The following MINK1 variants were observed in gnomAD, a reference collection of about 807,000 sequenced individuals.
MINK1 encodes misshapen like kinase 1.
Under a neutral mutation model 178.4 loss-of-function variants are expected in MINK1, and 46 were observed. The ratio of observed to expected loss-of-function variants is 0.26; its 90% CI spans 0.20 to 0.33. The LOEUF is 0.33. MINK1 is among the 10% of genes least tolerant of loss of function. The probability of loss-of-function intolerance (pLI) is 1.00; values close to 1 mark genes in which losing one functional copy is unlikely to be tolerated. For missense variants in MINK1, 1,366 were observed against 1,814.9 expected (o/e 0.75, Z 4.49); for synonymous variants, 797 against 709.7 (o/e 1.12, Z -1.96).
At position 4,886,614 on chromosome 17, in the gene MINK1, C is replaced by G; in HGVS notation, c.937C>G (p.Arg313Gly). ...CCACATTGACCGATCCCGGAAGAAG[C>G]GGGGTGAGAAAGGTCAGTGGGCAGG... ...KDHIDRSRKK[R>G]GEKEETEYEY... Residue 313 changes from arginine to glycine, a missense_variant, in exon 10 of 32, where the codon CGG becomes GGG. Around this residue, in one of 14 missense-constraint regions of MINK1, gnomAD observed 23 missense variants for 30.2 expected, o/e 0.76. Coordinates refer to ENST00000355280, the MANE Select transcript of MINK1 (RefSeq NM_153827.5). This position sits in a 1 kb window ranked among gnomAD's most constrained non-coding sequence, Gnocchi z 6.1. The G allele has an allele frequency of 6.3e-7, 1 of 1,594,876 alleles. No individual in the cohort carries two copies. The highest frequency in any genetic ancestry group is 8.5e-7 in the Non-Finnish European group (1 of 1,169,600).
At chr17:4,889,823 C>G (rs1478098476) in intron 13 of MINK1, 60 bp downstream of exon 13, 2 of 1,298,230 alleles carry the variant, frequency 1.5e-6, no homozygotes, top group African/African-American at 3.0e-5. Context: ...GCCTGCCGCC[C>G]CTGCTCCCCG....
chr17:4,896,190 C>T lies in MINK1; in HGVS notation c.3466-3C>T, dbSNP rs1315160932. On this transcript the variant is annotated splice_region_variant and splice_polypyrimidine_tract_variant and intron_variant, in intron 28 of 31. Transcript: ENST00000355280. This position sits in a 1 kb window ranked among gnomAD's most constrained non-coding sequence, Gnocchi z 4.6. ...AGCCCTCCTCTCCTCCGGTTCTCTG[C>T]AGTCCTTTGCCGACCTCCCCCACCG... 6 of 1,597,892 alleles carry T rather than the reference C, an allele frequency of 3.8e-6. No individual in the cohort carries two copies. The highest frequency in any genetic ancestry group is 5.1e-6 in the Non-Finnish European group (6 of 1,171,514).
chr17:4,847,063 C>A, intron 1 of MINK1: 1 of 429,074 alleles, frequency 2.3e-6, no homozygotes, highest in South Asian at 1.7e-5. Context: ...ATCTCCTGTC[C>A]TGGCCTCATA....
Position 4,896,696 on chromosome 17 carries a change from A to G in MINK1, c.3798A>G (p.Ile1266Met). ...TSVAYICSNQ[I>M]MGWGEKAIEI... ...CAGCCTACATCTGCTCCAACCAGAT[A>G]ATGGGCTGGGGTGAGAAAGCCATTG... The change falls in exon 31 of 32, where the codon ATA becomes ATG. Residue 1266 changes from isoleucine (I) to methionine (M), a missense_variant. Ile to Met is a conservative substitution (Grantham distance 10, BLOSUM62 1). Coordinates refer to ENST00000355280, the MANE Select transcript of MINK1 (RefSeq NM_153827.5). This position sits in a 1 kb window ranked among gnomAD's most constrained non-coding sequence, Gnocchi z 4.6. 6.2e-7 allele frequency: 1 copy of G among 1,601,690 alleles called. No individual in the cohort carries two copies. The highest frequency in any genetic ancestry group is 8.5e-7 in the Non-Finnish European group (1 of 1,172,740).
At position 4,896,462 on chromosome 17, in the gene MINK1, T is replaced by A. The variant is rs1215387607; in HGVS notation, c.3649T>A (p.Phe1217Ile). 5 of 1,613,792 alleles carry A rather than the reference T, an allele frequency of 3.1e-6. No individual in the cohort carries two copies. The highest frequency in any genetic ancestry group is 1.7e-5 in the Admixed American group (1 of 59,982). ...CCAGATCACGCCCCATGCCATCATC[T>A]TCCTCCCCAACACCGACGGCATGGA... The part of the protein sequence containing the change: ...QSQITPHAII[F>I]LPNTDGMEML... The change falls in exon 30 of 32, where the codon TTC (phenylalanine) becomes ATC (isoleucine). Residue 1217 changes from phenylalanine (F) to isoleucine (I), a missense_variant. Coordinates refer to ENST00000355280, the MANE Select transcript of MINK1 (RefSeq NM_153827.5). This position sits in a 1 kb window ranked among gnomAD's most constrained non-coding sequence, Gnocchi z 4.6.
At chr17:4,868,498 G>A (rs1915374556) in intron 1 of MINK1, among the ~76,000 whole-genome samples, 1 of 152,150 alleles carries the variant, frequency 6.6e-6, no homozygotes, top group South Asian at 2.1e-4. Context: ...ATATATGAGA[G>A]AGTCCATGTA....
Position 4,891,117 on chromosome 17 carries a change from C to T in MINK1, c.1733C>T (p.Pro578Leu), listed in dbSNP as rs923512603. Residue 578 changes from proline to leucine, a missense_variant, in exon 15 of 32, where the codon CCG becomes CTG. Coordinates refer to ENST00000355280, the MANE Select transcript of MINK1 (RefSeq NM_153827.5). The stretch of plus-strand genomic sequence containing the variant: ...AGGCCGGTGGAGCCCCAGGAGGGAC[C>T]GCACAAGGTGAGTCTCTCCCCACCC... ...MQRPVEPQEG[P>L]HKSLVAHRVP... 1.4e-5 allele frequency: 21 copies of T among 1,530,022 alleles called. No individual in the cohort carries two copies. Among genetic ancestry groups the T allele is most frequent in the African/African-American group, 4.2e-5 (3 of 72,122 alleles). The allele number at this position is 1,530,022 out of a possible 1,614,324, so 94.8% of individuals were successfully genotyped here.
intron 1 of MINK1, chr17:4,860,768 G>A (rs866522309): frequency 3.8e-6 from 2 of 520,112 alleles, no homozygotes; most frequent in Middle Eastern, 3.2e-4. Flanking sequence ...AGCAGAGACC[G>A]TGGTGCAGGT....
At chr17:4,847,541 ATT>A (rs1911232101) in intron 1 of MINK1, among the ~76,000 whole-genome samples, 2 of 152,202 alleles carry the variant, frequency 1.3e-5, no homozygotes, top group African/African-American at 4.8e-5. Flanking sequence ...CTTCCTAAAA[ATT>A]TTTGAGTGCC....
At chr17:4,865,473 G>A (rs1213275462) in intron 1 of MINK1, among the ~76,000 whole-genome samples, 1 of 151,910 alleles carries the variant, frequency 6.6e-6, no homozygotes, top group Non-Finnish European at 1.5e-5. Flanking sequence ...CCAGACACTG[G>A]ACTAGAGGGG....
chr17:4,880,952 T>A, intron 2 of MINK1, 32 bp from the exon 3 acceptor site: 1 of 1,458,624 alleles, frequency 6.9e-7, no homozygotes, highest in Non-Finnish European at 9.0e-7. Flanking sequence ...CTCCACCCTC[T>A]GAGCATAGAC....
intron 1 of MINK1, among the ~76,000 whole-genome samples, chr17:4,866,792 G>A (rs1234466751): frequency 2.0e-5 from 3 of 150,904 alleles, no homozygotes; most frequent in South Asian, 4.2e-4. Context: ...CAAAAAACTC[G>A]ATCGGGCGCG....
In MINK1 at chr17:4,896,551, T is replaced by G. The variant is rs372981603; in HGVS notation, c.3738T>G (p.Asp1246Glu). Residue 1246 changes from aspartate (D) to glutamate (E), a missense_variant, in exon 30 of 32, where the codon GAT becomes GAG. Asp to Glu is a conservative substitution (Grantham distance 45, BLOSUM62 2). Coordinates refer to ENST00000355280, the MANE Select transcript of MINK1 (RefSeq NM_153827.5). The surrounding 1 kb of genome is among the most constrained non-coding windows in gnomAD (Gnocchi z 4.6). ...YVNTYGRIIK[D>E]VVLQWGEMPT... ...ACACGTACGGGCGCATCATTAAGGATGTGGTGCTGCAGTGGGGGGAGATGC... is the reference window on the plus strand; with the variant it reads ...ACACGTACGGGCGCATCATTAAGGAGGTGGTGCTGCAGTGGGGGGAGATGC... 6.2e-7 allele frequency: 1 copy of G among 1,613,790 alleles called. No individual in the cohort carries two copies. Among genetic ancestry groups the G allele is most frequent in the Non-Finnish European group, 8.5e-7 (1 of 1,179,872 alleles).
In MINK1 at chr17:4,891,572, C is replaced by G; in HGVS notation, c.1857C>G (p.Pro619=). The stretch of plus-strand genomic sequence containing the variant: ...CTGCCTTCCCAGCCTCCCATGACCC[C>G]GACCCTGCCATCCCCGCACCCACTG... The part of the protein sequence containing the change: ...NLAAFPASHD[P]DPAIPAPTAT... The change falls in exon 16 of 32, where the codon CCC becomes CCG. Residue 619 remains proline, a synonymous_variant. Coordinates refer to ENST00000355280, the MANE Select transcript of MINK1 (RefSeq NM_153827.5). 6.2e-7 allele frequency: 1 copy of G among 1,606,778 alleles called. No individual in the cohort carries two copies. Among genetic ancestry groups the G allele is most frequent in the African/African-American group, 1.3e-5 (1 of 74,854 alleles).
intron 1 of MINK1, among the ~76,000 whole-genome samples, chr17:4,858,899 G>A (rs992447132): frequency 6.6e-6 from 1 of 152,152 alleles, no homozygotes; most frequent in African/African-American, 2.4e-5. Flanking sequence ...GTCTCTCCCA[G>A]ACTAGAGAGG....
At chr17:4,888,772 C>T (rs112998973) in intron 12 of MINK1, among the ~76,000 whole-genome samples, 2,352 of 147,948 alleles carry the variant, frequency 0.016, 75 homozygotes, top group African/African-American at 0.055. Context: ...CTAGGCTCAC[C>T]GCAAAACCTC....
rs960741570 is a variant in MINK1 at position 4,897,316 on chromosome 17, C to T, written c.*29C>T. 1 of 1,600,172 alleles carries T rather than the reference C, an allele frequency of 6.2e-7. No homozygotes were observed. The highest frequency in any genetic ancestry group is 8.6e-7 in the Non-Finnish European group (1 of 1,167,978). On this transcript the variant is annotated 3_prime_UTR_variant, in exon 32 of 32. Transcript: ENST00000355280. ...GGCCCTGGGCTGGGGCTGTCCCACA[C>T]TGGACCCAGCTCTCCCCCTGCAGCC...
chr17:4,897,362 C>A lies in MINK1; in HGVS notation c.*75C>A. 7.2e-7 allele frequency: 1 copy of A among 1,384,960 alleles called. No individual in the cohort carries two copies. Among genetic ancestry groups the A allele is most frequent in the African/African-American group, 1.4e-5 (1 of 70,238 alleles). 85.8% of individuals were successfully genotyped at this position (1,384,960 alleles called of 1,614,324 possible). A position where few individuals can be genotyped will look rare whatever the true frequency, so the allele number is the denominator to read the frequency against. On this transcript the variant is annotated 3_prime_UTR_variant, in exon 32 of 32. Transcript: ENST00000355280. ...CAGCCAGGCTTCCCGGGCCGCCCCT[C>A]TTTCCCCTCCCTGGGCTTTTGCTTT...
intron 1 of MINK1, among the ~76,000 whole-genome samples, chr17:4,855,588 G>T (rs559675995): frequency 6.6e-6 from 1 of 150,630 alleles, no homozygotes; most frequent in Non-Finnish European, 1.5e-5. Context: ...TGAGACAGCA[G>T]TGAAACCCCA....
Sources: gnomAD v4.1 joint callset for allele counts (sites outside exome capture counted in the v4.1 genomes callset) on GRCh38, gnomAD v4.1.1 for gene constraint, gnomAD v4.1.1 regional missense constraint, Gnocchi (gnomAD v3.1) non-coding constraint, MANE v1.5 for transcripts, NCBI Gene and HGNC (gene_info 2026-07-23, HGNC 2026-07-21) for gene names.